ZNF141: variants seen among roughly 807,000 people sequenced by gnomAD.
ZNF141 encodes the protein zinc finger protein 141.
In ZNF141, 7 loss-of-function variants were observed where a neutral mutation model predicts 11.3. The ratio of observed to expected loss-of-function variants is 0.62; its 90% confidence interval spans 0.35 to 1.16. ZNF141 has a LOEUF of 1.16. Ranked by LOEUF, ZNF141 falls within the 50% of genes most tolerant of loss-of-function variation. ZNF141 has a pLI of 0.02. For missense variants in ZNF141, 535 were observed against 554.0 expected, an observed-to-expected ratio of 0.97 and a Z score of 0.34; for synonymous variants, 183 against 190.7, an observed-to-expected ratio of 0.96 and a Z score of 0.33.
chr4:370,856 G>A (rs537860150), intron 3 of ZNF141, among the ~76,000 whole-genome samples: 58 of 151,626 alleles, frequency 3.8e-4, no homozygotes, highest in South Asian at 1.0e-3. Flanking sequence ...TCAGCCTCCC[G>A]CATAGCTGGG....
chr4:373,310 C>G lies in ZNF141; in HGVS notation c.873C>G (p.Ile291Met), dbSNP rs1553853929. ...KPITCEECRK[I>M]FTSSSNFAKH... Reference sequence around the variant, plus strand: ...TCACATGTGAAGAATGTAGGAAAATCTTTACCTCATCCTCAAACTTTGCCA... The same window carrying G: ...TCACATGTGAAGAATGTAGGAAAATGTTTACCTCATCCTCAAACTTTGCCA... Residue 291 changes from isoleucine to methionine, a missense_variant, in exon 4 of 4, where the codon ATC becomes ATG. Coordinates refer to ENST00000240499, the MANE Select transcript of ZNF141 (RefSeq NM_003441.4). 6.2e-7 allele frequency: 1 copy of G among 1,613,032 alleles called. No homozygotes were observed. The highest frequency in any genetic ancestry group is 8.5e-7 in the Non-Finnish European group (1 of 1,179,766).
intron 1 of ZNF141, chr4:343,013 TTCCTTGCATGATTAAAAAAGTATTA>T (rs1553848757): frequency 5.2e-5 from 36 of 693,034 alleles, no homozygotes; most frequent in African/African-American, 2.7e-4. Flanking sequence ...ATTAAAAAAG[TTCCTTGCATGATTAAAAAAGTATTA>T]AAAAAGTTCC....
Position 384,232 on chromosome 4 carries a change from A to G in ZNF141, c.*10370A>G, listed in dbSNP as rs1712808219. The G allele has an allele frequency of 6.6e-6, 1 of 151,880 alleles. No individual in the cohort carries two copies. Among genetic ancestry groups the G allele is most frequent in the Non-Finnish European group, 1.5e-5 (1 of 67,990 alleles). The allele number at this position is 151,880 out of a possible 1,614,324, so 9.4% of individuals were successfully genotyped here. On this transcript the variant is annotated 3_prime_UTR_variant, in exon 4 of 4. Transcript: ENST00000240499. ...TTTAATCTATTCCCTCCACATCTAA[A>G]CTCTGGAGGGCAAGGCTGTGAGGAG... is the stretch of plus-strand genomic sequence containing the variant.
At chr4:349,590 C>T (rs1176213171) in intron 3 of ZNF141, among the ~76,000 whole-genome samples, 7 of 152,116 alleles carry the variant, frequency 4.6e-5, no homozygotes, top group Non-Finnish European at 7.4e-5. Flanking sequence ...TGACAAATTT[C>T]ACAGTTTGTA....
chr4:349,643 C>A (rs1217731529), intron 3 of ZNF141, among the ~76,000 whole-genome samples: 1 of 152,146 alleles, frequency 6.6e-6, no homozygotes, highest in Non-Finnish European at 1.5e-5. Context: ...TGTTGAGTCC[C>A]AGGCTGATGA....
chr4:380,000 T>A lies in ZNF141; in HGVS notation c.*6138T>A, dbSNP rs1392587461. On this transcript the variant is annotated 3_prime_UTR_variant, in exon 4 of 4. Coordinates refer to ENST00000240499, the MANE Select transcript of ZNF141 (RefSeq NM_003441.4). ...ATGCTGTACAATAGATTTCTTGAAT[T>A]TATTCCTCCTAGGCAACTATGTGTT... Among the ~76,000 whole-genome samples the A allele has an allele frequency of 3.9e-5, 6 of 152,226 alleles. No homozygotes were observed. The highest frequency in any genetic ancestry group is 1.4e-4 in the African/African-American group (6 of 41,464).
intron 3 of ZNF141, among the ~76,000 whole-genome samples, chr4:348,132 C>A (rs1721428709): frequency 6.6e-6 from 1 of 152,164 alleles, no homozygotes; most frequent in Non-Finnish European, 1.5e-5. Context: ...GCCTGAGCCA[C>A]CACACCCAGC....
At chr4:361,129 G>A (rs1416543969) in intron 3 of ZNF141, among the ~76,000 whole-genome samples, 3 of 152,080 alleles carry the variant, frequency 2.0e-5, no homozygotes, top group Non-Finnish European at 4.4e-5. Flanking sequence ...ACAGTCTAGT[G>A]GAGCTAAGTA....
At chr4:356,569 C>T (rs895341477) in intron 3 of ZNF141, among the ~76,000 whole-genome samples, 2 of 152,088 alleles carry the variant, frequency 1.3e-5, no homozygotes, top group Non-Finnish European at 2.9e-5. Flanking sequence ...GCCTCAGCCT[C>T]CCAAAGTGCT....
At position 342,710 on chromosome 4, in the gene ZNF141, C is replaced by T. The variant is rs1199140971; in HGVS notation, c.4-1072C>T. 4.8e-6 allele frequency: 5 copies of T among 1,045,414 alleles called. No individual in the cohort carries two copies. The Admixed American group carries it at 7.7e-5, about 16-fold the overall frequency. The allele number at this position is 1,045,414 out of a possible 1,614,324, so 64.8% of individuals were successfully genotyped here. A position where few individuals can be genotyped will look rare whatever the true frequency, so the allele number is the denominator to read the frequency against. On this transcript the variant is annotated intron_variant, in intron 1 of 3. Coordinates refer to ENST00000240499, the MANE Select transcript of ZNF141 (RefSeq NM_003441.4). ...AAGAGAAACCATCAGCTGTGTTCTG[C>T]CCACAGATCCTGTCCATTGTTCTGG... is the stretch of plus-strand genomic sequence containing the variant.
intron 3 of ZNF141, among the ~76,000 whole-genome samples, chr4:354,307 T>A (rs114067128): frequency 0.015 from 2,235 of 152,350 alleles, 57 homozygotes; most frequent in African/African-American, 0.049. Context: ...GAACACAGCA[T>A]GCCCAAGGTC....
chr4:353,473 T>A lies in ZNF141; in HGVS notation c.226+9043T>A, dbSNP rs35032247. ...TTTATTATTATTATTATTATTTTTTTTTTTTTGGAGACAGAGTCTCACTCT... is the reference window on the plus strand; with the variant it reads ...TTTATTATTATTATTATTATTTTTTATTTTTTGGAGACAGAGTCTCACTCT... On this transcript the variant is annotated intron_variant, in intron 3 of 3. Coordinates refer to ENST00000240499, the MANE Select transcript of ZNF141 (RefSeq NM_003441.4). 3.2e-3 allele frequency among the ~76,000 whole-genome samples: 474 copies of A among 150,354 alleles called. 3 individuals are homozygous for A. The highest frequency in any genetic ancestry group is 5.5e-3 in the Non-Finnish European group (368 of 67,496).
rs1319208742 is a variant in ZNF141, at chr4:382,879, C to T, written c.*9017C>T. The T allele has an allele frequency of 2.4e-6, 1 of 422,322 alleles. No homozygotes were observed. The highest frequency in any genetic ancestry group is 4.2e-6 in the Non-Finnish European group (1 of 235,542). 26.2% of individuals were successfully genotyped at this position (422,322 alleles called of 1,614,324 possible). On this transcript the variant is annotated 3_prime_UTR_variant, in exon 4 of 4. Transcript: ENST00000240499. Reference sequence around the variant, plus strand: ...GGGATAGTTACACAAGACACATCTACAAGAAAAGTCATGATAAAATTGATT... The same window carrying T: ...GGGATAGTTACACAAGACACATCTATAAGAAAAGTCATGATAAAATTGATT...
intron 3 of ZNF141, among the ~76,000 whole-genome samples, chr4:369,764 A>ATGTTT: frequency 1.2e-4 from 6 of 48,722 alleles, no homozygotes; most frequent in Non-Finnish European, 1.8e-4. Context: ...ATATATATAT[A>ATGTTT]TTTTTTTTTT....
chr4:369,760 A>G (rs1391783126), intron 3 of ZNF141, among the ~76,000 whole-genome samples: 1 of 34,092 alleles, frequency 2.9e-5, no homozygotes, highest in African/African-American at 2.0e-4. Context: ...ATATATATAT[A>G]TATATTTTTT....
At chr4:369,748 A>ATATATATG in intron 3 of ZNF141, among the ~76,000 whole-genome samples, 1 of 36,312 alleles carries the variant, frequency 2.8e-5, no homozygotes, top group Admixed American at 3.4e-4. Context: ...ATATATATAT[A>ATATATATG]TATATATATA....
Position 381,599 on chromosome 4 carries a change from G to T in ZNF141, c.*7737G>T, listed in dbSNP as rs577109356. Among the ~76,000 whole-genome samples the T allele has an allele frequency of 2.0e-4, 31 of 151,762 alleles. 1 individual carries two copies. The highest frequency in any genetic ancestry group is 7.5e-4 in the African/African-American group (31 of 41,386). ...AAATTTTTGTATTTTTAGTAGAGAC[G>T]GGGTTTCACCATGTTGGCCAGGCTG... is the stretch of plus-strand genomic sequence containing the variant. On this transcript the variant is annotated 3_prime_UTR_variant, in exon 4 of 4. Transcript: ENST00000240499.
chr4:381,275 G>A lies in ZNF141; in HGVS notation c.*7413G>A, dbSNP rs1021321157. ...TGGCTCCCCAAATAGGTTTTTATTT[G>A]TTTATAAAACTTTAAATTTATCTCT... On this transcript the variant is annotated 3_prime_UTR_variant, in exon 4 of 4. Transcript: ENST00000240499. Among the ~76,000 whole-genome samples, 1 of 151,434 alleles carries A rather than the reference G, an allele frequency of 6.6e-6. No homozygotes were observed. Among genetic ancestry groups the A allele is most frequent in the Non-Finnish European group, 1.5e-5 (1 of 67,960 alleles).
At chr4:338,953 A>G (rs1335825216) in intron 1 of ZNF141, among the ~76,000 whole-genome samples, 1 of 152,174 alleles carries the variant, frequency 6.6e-6, no homozygotes, top group Non-Finnish European at 1.5e-5. Context: ...CCTGCTGCGC[A>G]CTGTTCTGTT....
Sources: allele counts gnomAD v4.1 joint callset (sites outside exome capture counted in the v4.1 genomes callset), GRCh38; gene constraint gnomAD v4.1.1; transcripts MANE v1.5; gene names NCBI Gene and HGNC (gene_info 2026-07-23, HGNC 2026-07-21).